Variants in DCC observed in about 807,000 individuals in gnomAD.
DCC encodes the protein DCC netrin 1 receptor, also known as netrin receptor DCC.
A neutral mutation model predicts 172.5 loss-of-function variants in DCC; 58 were observed. The observed-to-expected ratio is 0.34, with a 90% CI of 0.27 to 0.42. The LOEUF (loss-of-function observed/expected upper bound fraction) is 0.42, where lower values mean the gene tolerates loss of function less well. Ranked by LOEUF, DCC falls within the 10% of genes least tolerant of loss-of-function variation. The pLI, the probability that DCC is intolerant of heterozygous loss-of-function variation, is 1.00. For missense variants in DCC, 1,740 were observed against 1,791.0 expected (o/e 0.97, Z 0.51); for synonymous variants, 709 against 644.5 (o/e 1.10, Z -1.52).
At chr18:53,104,535 T>A (rs1282830743) in intron 7 of DCC, among the ~76,000 whole-genome samples, 1 of 152,038 alleles carries the variant, frequency 6.6e-6, no homozygotes, top group African/African-American at 2.4e-5. Flanking sequence ...CTTCTTCTTC[T>A]TCTTCTCAGT....
In DCC at chr18:52,927,121, A is replaced by C. The variant is rs796446083; in HGVS notation, c.985+1751A>C. ...CGTGTATATACACGTATATACGTGT[A>C]TATACACGTATATACGTGTATATAT... On this transcript the variant is annotated intron_variant, in intron 5 of 28. Coordinates refer to ENST00000442544, the MANE Select transcript of DCC (RefSeq NM_005215.4). 5.4e-5 allele frequency among the ~76,000 whole-genome samples: 5 copies of C among 92,954 alleles called. 2 individuals are homozygous for C. The highest frequency in any genetic ancestry group is 4.9e-4 in the Admixed American group (5 of 10,294). 61.0% of individuals were successfully genotyped at this position (92,954 alleles called of 152,430 possible).
At chr18:52,771,917 A>G (rs906185051) in intron 2 of DCC, among the ~76,000 whole-genome samples, 1 of 150,944 alleles carries the variant, frequency 6.6e-6, no homozygotes, top group Non-Finnish European at 1.5e-5. Context: ...CAGGTGTTCT[A>G]TCTCAGTGAG....
intron 7 of DCC, among the ~76,000 whole-genome samples, chr18:53,139,450 TTAG>T (rs1568327284): frequency 3.9e-5 from 6 of 152,212 alleles, no homozygotes; most frequent in Non-Finnish European, 7.3e-5. Context: ...AAAACTGGAA[TTAG>T]TAGTTACCAT....
At chr18:52,970,209 T>G (rs903692533) in intron 5 of DCC, among the ~76,000 whole-genome samples, 1 of 152,122 alleles carries the variant, frequency 6.6e-6, no homozygotes, top group African/African-American at 2.4e-5. Flanking sequence ...ACATTCTGAT[T>G]GTTTAAATCT....
chr18:52,801,517 C>T (rs187931517), intron 2 of DCC, among the ~76,000 whole-genome samples: 20 of 152,200 alleles, frequency 1.3e-4, no homozygotes, highest in African/African-American at 4.3e-4. Flanking sequence ...AAGAAGATTG[C>T]CTTAGTCAAA....
At chr18:52,865,560 TG>T (rs1195243632) in intron 2 of DCC, among the ~76,000 whole-genome samples, 1 of 152,194 alleles carries the variant, frequency 6.6e-6, no homozygotes, top group African/African-American at 2.4e-5. Context: ...TATCTCATTG[TG>T]GTTTTGATTA....
chr18:52,618,305 A>G (rs992769361), intron 1 of DCC, among the ~76,000 whole-genome samples: 1 of 152,206 alleles, frequency 6.6e-6, no homozygotes, highest in Non-Finnish European at 1.5e-5. Context: ...TTTGTTTTTA[A>G]AAAAAACAAA....
Position 53,205,362 on chromosome 18 carries a change from C to A in DCC, c.1720C>A (p.Gln574Lys). 6.2e-7 allele frequency: 1 copy of A among 1,613,736 alleles called. No individual in the cohort carries two copies. The highest frequency in any genetic ancestry group is 8.5e-7 in the Non-Finnish European group (1 of 1,179,758). ...FCTEVSTGKE[Q>K]NIEVDGLSYK... is the part of the protein sequence containing the mutation. ...CACTGAGGTGTCCACAGGAAAAGAA[C>A]AGGTAGGTGAAGGAATGGACCACAC... Residue 574 changes from glutamine (Q) to lysine (K), a missense_variant and splice_region_variant, in exon 10 of 29, where the codon CAG becomes AAG. Transcript: ENST00000442544.
intron 7 of DCC, among the ~76,000 whole-genome samples, chr18:53,141,698 TTA>T (rs1438286363): frequency 2.0e-5 from 3 of 152,234 alleles, no homozygotes; most frequent in African/African-American, 7.2e-5. Flanking sequence ...TCAGTAATTT[TTA>T]TGTTTTGTTT....
intron 5 of DCC, among the ~76,000 whole-genome samples, chr18:52,948,472 G>C (rs753732872): frequency 6.6e-6 from 1 of 152,102 alleles, no homozygotes; most frequent in Non-Finnish European, 1.5e-5. Flanking sequence ...ACCGGATACT[G>C]TGCAATATAT....
At chr18:53,268,976 T>C (rs146183774) in intron 12 of DCC, among the ~76,000 whole-genome samples, 9 of 152,294 alleles carry the variant, frequency 5.9e-5, no homozygotes, top group Non-Finnish European at 1.2e-4. Flanking sequence ...AATGTGTTTT[T>C]AGAGGAAAGA....
chr18:53,163,454 ATGTT>A (rs997689195), intron 8 of DCC, among the ~76,000 whole-genome samples: 3 of 152,134 alleles, frequency 2.0e-5, no homozygotes, highest in African/African-American at 7.2e-5. Flanking sequence ...GTTAGCTGTG[ATGTT>A]TGTTTGTTCA....
chr18:52,946,337 T>A (rs533317073), intron 5 of DCC, among the ~76,000 whole-genome samples: 7 of 152,348 alleles, frequency 4.6e-5, no homozygotes, highest in Non-Finnish European at 8.8e-5. Context: ...ATAAGTGAAA[T>A]GAACTGTTTT....
intron 1 of DCC, among the ~76,000 whole-genome samples, chr18:52,637,240 G>C (rs1428065728): frequency 6.6e-6 from 1 of 152,038 alleles, no homozygotes; most frequent in African/African-American, 2.4e-5. Flanking sequence ...CCCAACCCTG[G>C]TAATATGACA....
At chr18:52,748,432 G>A (rs2036943208) in intron 1 of DCC, among the ~76,000 whole-genome samples, 1 of 152,236 alleles carries the variant, frequency 6.6e-6, no homozygotes. Flanking sequence ...CTCCAGAAGG[G>A]TTGCAGCTCT....
chr18:53,183,332 A>C (rs1256612594), intron 9 of DCC, among the ~76,000 whole-genome samples: 2 of 152,108 alleles, frequency 1.3e-5, no homozygotes, highest in Non-Finnish European at 2.9e-5. Flanking sequence ...GTGTCCTCTG[A>C]TGGTATCTTC....
intron 20 of DCC, among the ~76,000 whole-genome samples, chr18:53,412,266 G>A (rs1352027126): frequency 1.3e-5 from 2 of 152,022 alleles, no homozygotes; most frequent in South Asian, 2.1e-4. Context: ...TGTCATGCTC[G>A]ATAATAGTCA....
Position 53,404,380 on chromosome 18 carries a change from A to G in DCC, c.2935+1487A>G, listed in dbSNP as rs939821195. Among the ~76,000 whole-genome samples, 2 of 151,966 alleles carry G rather than the reference A, an allele frequency of 1.3e-5. 1 individual carries two copies. The highest frequency in any genetic ancestry group is 1.3e-4 in the Admixed American group (2 of 15,242). On this transcript the variant is annotated intron_variant, in intron 19 of 28. Coordinates refer to ENST00000442544, the MANE Select transcript of DCC (RefSeq NM_005215.4). ...AGAATAAGTTTTTAACTCTGGAAGA[A>G]AGCTTAATTTTGCTTCTTCAGGAAA...
chr18:53,371,027 G>A (rs1401244366), intron 15 of DCC, among the ~76,000 whole-genome samples: 3 of 151,732 alleles, frequency 2.0e-5, no homozygotes, highest in Non-Finnish European at 3.0e-5. Context: ...GGAAATTATT[G>A]TTGGCAAAGT....
Sources: allele counts gnomAD v4.1 joint callset (sites outside exome capture counted in the v4.1 genomes callset), GRCh38; gene constraint gnomAD v4.1.1; transcripts MANE v1.5; gene names NCBI Gene and HGNC (gene_info 2026-07-23, HGNC 2026-07-21).